Variants in C2CD3 observed in about 807,000 individuals in gnomAD.
C2CD3 encodes the protein C2 domain-containing protein 3.
Under a neutral mutation model 234.0 loss-of-function variants are expected in C2CD3, and 148 were observed. That is an observed-to-expected ratio of 0.63 (90% CI 0.55 to 0.72). The LOEUF (loss-of-function observed/expected upper bound fraction) is 0.72, where lower values mean the gene tolerates loss of function less well. Among genes scored for constraint, C2CD3 ranks in the 30% least tolerant of loss-of-function variants. The pLI is 0.00. For synonymous variants in C2CD3, 1,000 were observed against 1,035.4 expected (o/e 0.97, Z 0.66); for missense variants, 2,577 against 2,811.5 (o/e 0.92, Z 1.89).
chr11:74,045,567 T>C (rs1430545813), intron 28 of C2CD3, among the ~76,000 whole-genome samples: 1 of 107,568 alleles, frequency 9.3e-6, no homozygotes, highest in Non-Finnish European at 1.7e-5. Context: ...TCAATTTTCT[T>C]TTTTCTTTCC....
chr11:74,170,879 C>G lies in C2CD3; in HGVS notation c.-87G>C. 1 of 1,505,074 alleles carries G rather than the reference C, an allele frequency of 6.6e-7. No individual in the cohort carries two copies. The highest frequency in any genetic ancestry group is 9.0e-7 in the Non-Finnish European group (1 of 1,115,652). The allele number at this position is 1,505,074 out of a possible 1,614,324, so 93.2% of individuals were successfully genotyped here. On this transcript the variant is annotated 5_prime_UTR_variant, in exon 1 of 33. Coordinates refer to ENST00000334126, the MANE Select transcript of C2CD3 (RefSeq NM_001286577.2). ...CCGCCATCCCTCCCCACGGCGCCTG[C>G]GTTCCCCGGCAACCGGCGCCGCTGG...
At chr11:74,098,650 T>C (rs1037371545) in intron 15 of C2CD3, among the ~76,000 whole-genome samples, 4 of 152,232 alleles carry the variant, frequency 2.6e-5, no homozygotes, top group Non-Finnish European at 5.9e-5. Context: ...ATATCTGCCA[T>C]CTACTAAGTG....
Position 74,065,906 on chromosome 11 carries a change from G to T in C2CD3, c.4951+8347C>A, listed in dbSNP as rs186563317. Among the ~76,000 whole-genome samples the T allele has an allele frequency of 1.3e-3, 145 of 113,968 alleles. 3 individuals carry two copies. Among genetic ancestry groups the T allele is most frequent in the African/African-American group, 3.9e-3 (117 of 29,730 alleles). 74.8% of individuals were successfully genotyped at this position (113,968 alleles called of 152,430 possible). A position where few individuals can be genotyped will look rare whatever the true frequency, so the allele number is the denominator to read the frequency against. On this transcript the variant is annotated intron_variant, in intron 24 of 32. Coordinates refer to ENST00000334126, the MANE Select transcript of C2CD3 (RefSeq NM_001286577.2). The stretch of plus-strand genomic sequence containing the variant: ...AGGAAGGGGAACATCACACACCAGG[G>T]CCTGTCGTGGGGTGGGGGGAGGGGG...
intron 10 of C2CD3, 112 bp from the exon 11 acceptor site, chr11:74,114,004 G>T: frequency 1.5e-6 from 1 of 645,944 alleles, no homozygotes; most frequent in Non-Finnish European, 2.6e-6. Flanking sequence ...AGTACTCAGA[G>T]GCCCTACCTC....
At chr11:74,133,370 G>T in intron 6 of C2CD3, 55 bp downstream of exon 6, 2 of 1,525,338 alleles carry the variant, frequency 1.3e-6, no homozygotes, top group Middle Eastern at 1.9e-4. Flanking sequence ...AAAAAACACA[G>T]GTTAACAACT....
Position 74,027,896 on chromosome 11 carries a change from C to T in C2CD3, c.6921+391G>A, listed in dbSNP as rs116987241. 7.8e-3 allele frequency among the ~76,000 whole-genome samples: 1,188 copies of T among 152,290 alleles called. 10 individuals are homozygous for T. The highest frequency in any genetic ancestry group is 0.012 in the Non-Finnish European group (842 of 68,022). ...GTTTTGTAAATGGCAAATAGTTGTA[C>T]GACTGATATTATTCTCCTCATCCAG... On this transcript the variant is annotated intron_variant, in intron 32 of 32. Transcript: ENST00000334126.
intron 18 of C2CD3, 38 bp from the exon 19 acceptor site, chr11:74,092,626 G>A (rs1226323966): frequency 1.9e-6 from 3 of 1,553,518 alleles, no homozygotes; most frequent in Non-Finnish European, 1.8e-6. Flanking sequence ...AGAAGAATTA[G>A]GTGATAAATG....
At chr11:74,107,303 C>T (rs1956561550) in intron 12 of C2CD3, among the ~76,000 whole-genome samples, 1 of 148,780 alleles carries the variant, frequency 6.7e-6, no homozygotes, top group Non-Finnish European at 1.5e-5. Context: ...CCAGCCTGGG[C>T]AACAAGAATG....
At chr11:74,019,143 A>G (rs1781662857) in intron 32 of C2CD3, among the ~76,000 whole-genome samples, 1 of 152,128 alleles carries the variant, frequency 6.6e-6, no homozygotes, top group Non-Finnish European at 1.5e-5. Flanking sequence ...AGGGCTCCAA[A>G]GTCCAGGTTT....
At chr11:74,153,912 C>T (rs1008460881) in intron 3 of C2CD3, among the ~76,000 whole-genome samples, 1 of 151,672 alleles carries the variant, frequency 6.6e-6, no homozygotes, top group Non-Finnish European at 1.5e-5. Context: ...TAGAAATAGA[C>T]TCACATATAT....
intron 16 of C2CD3, among the ~76,000 whole-genome samples, chr11:74,096,200 T>C (rs1309474037): frequency 2.0e-5 from 3 of 152,210 alleles, no homozygotes; most frequent in Non-Finnish European, 2.9e-5. Context: ...CTCAACGTAG[T>C]CTGACTCCAG....
intron 12 of C2CD3, among the ~76,000 whole-genome samples, chr11:74,106,994 C>T (rs527578740): frequency 7.6e-4 from 116 of 152,182 alleles, no homozygotes; most frequent in Admixed American, 3.0e-3. Flanking sequence ...GCTCTTTGGC[C>T]CAGTAATTCC....
chr11:74,096,719 T>C (rs557348854), intron 16 of C2CD3, among the ~76,000 whole-genome samples: 1 of 152,080 alleles, frequency 6.6e-6, no homozygotes, highest in Non-Finnish European at 1.5e-5. Context: ...AAAATCTGAG[T>C]CTACACTGCA....
intron 3 of C2CD3, among the ~76,000 whole-genome samples, chr11:74,151,818 T>C (rs1391799831): frequency 6.6e-6 from 1 of 152,046 alleles, no homozygotes; most frequent in Non-Finnish European, 1.5e-5. Context: ...ATCATATAGA[T>C]GCTCCTAATG....
chr11:74,093,146 T>C (rs1432555283), intron 18 of C2CD3, among the ~76,000 whole-genome samples: 1 of 152,022 alleles, frequency 6.6e-6, no homozygotes, highest in Non-Finnish European at 1.5e-5. Flanking sequence ...CCTAGTTCTG[T>C]TCCTGATGCT....
At chr11:74,056,718 A>G (rs1185770167) in intron 25 of C2CD3, among the ~76,000 whole-genome samples, 1 of 152,086 alleles carries the variant, frequency 6.6e-6, no homozygotes, top group Non-Finnish European at 1.5e-5. Context: ...GCCTTTTCTG[A>G]TATTAGTTCT....
rs1952597369 is a variant in C2CD3, at chr11:74,033,332, G to A, written c.6809+19C>T. 1 of 1,531,534 alleles carries A rather than the reference G, an allele frequency of 6.5e-7. No individual in the cohort carries two copies. The highest frequency in any genetic ancestry group is 1.4e-5 in the African/African-American group (1 of 72,924). 94.9% of individuals were successfully genotyped at this position (1,531,534 alleles called of 1,614,324 possible). A position where few individuals can be genotyped will look rare whatever the true frequency, so the allele number is the denominator to read the frequency against. ...AAGTACCTGCATCCAAACCACTTGT[G>A]GGAAATGCCAAAGGATACAGCAGGA... On this transcript the variant is annotated intron_variant, in intron 31 of 32. Coordinates refer to ENST00000334126, the MANE Select transcript of C2CD3 (RefSeq NM_001286577.2).
intron 31 of C2CD3, among the ~76,000 whole-genome samples, chr11:74,031,556 C>T (rs1490136590): frequency 2.0e-5 from 3 of 152,220 alleles, no homozygotes; most frequent in Admixed American, 6.5e-5. Context: ...CATGGTCCCT[C>T]GCGTTCTGTC....
At position 74,146,988 on chromosome 11, in the gene C2CD3, T is replaced by C. The variant is rs561459516; in HGVS notation, c.484-7160A>G. 1.6e-4 allele frequency among the ~76,000 whole-genome samples: 24 copies of C among 151,724 alleles called. No individual in the cohort carries two copies. The East Asian group carries it at 3.5e-3, about 22-fold the overall frequency. ...GAATTGCTTGAACCTGGGGCGGAGGTTGCAGTGAGCCGAGATCGTGCCACT... is the reference window on the plus strand; with the variant it reads ...GAATTGCTTGAACCTGGGGCGGAGGCTGCAGTGAGCCGAGATCGTGCCACT... On this transcript the variant is annotated intron_variant, in intron 3 of 32. Transcript: ENST00000334126.
Sources: gnomAD v4.1 joint callset for allele counts (sites outside exome capture counted in the v4.1 genomes callset) on GRCh38, gnomAD v4.1.1 for gene constraint, MANE v1.5 for transcripts, NCBI Gene and HGNC (gene_info 2026-07-23, HGNC 2026-07-21) for gene names.